KSR1: variants seen among roughly 807,000 people sequenced by gnomAD.
The protein encoded by KSR1 is kinase suppressor of ras 1.
Under a neutral mutation model 92.9 loss-of-function variants are expected in KSR1, and 35 were observed. The observed-to-expected ratio is 0.38, with a 90% confidence interval of 0.29 to 0.50. KSR1 has a LOEUF of 0.50. Among genes scored for constraint, KSR1 ranks in the 20% least tolerant of loss-of-function variants. The pLI is 0.94. For synonymous variants in KSR1, 467 were observed against 472.6 expected, an observed-to-expected ratio of 0.99 and a Z score of 0.15; for missense variants, 972 against 1,158.5, an observed-to-expected ratio of 0.84 and a Z score of 2.34.
At chr17:27,518,778 A>C (rs2945411) in intron 1 of KSR1, among the ~76,000 whole-genome samples, 38,242 of 152,138 alleles carry the variant, frequency 0.25, 5,019 homozygotes, top group Admixed American at 0.35. Context: ...CTCCCTCTCC[A>C]CCAAAGGCAT....
At chr17:27,501,584 G>T (rs966181760) in intron 1 of KSR1, among the ~76,000 whole-genome samples, 3 of 152,126 alleles carry the variant, frequency 2.0e-5, no homozygotes, top group African/African-American at 7.2e-5. Context: ...AGAGCATGAT[G>T]CCCTACATCC....
intron 1 of KSR1, among the ~76,000 whole-genome samples, chr17:27,481,096 ACATGAAACC>A (rs1200173394): frequency 6.6e-6 from 1 of 152,198 alleles, no homozygotes; most frequent in African/African-American, 2.4e-5. Context: ...TATGCCAGAG[ACATGAAACC>A]ATATACCTCA....
intron 20 of KSR1, chr17:27,622,974 T>G: frequency 3.1e-6 from 1 of 323,788 alleles, no homozygotes. Flanking sequence ...GGAGTCATGT[T>G]TCTCTTCTCT....
At chr17:27,488,851 C>T (rs574401515) in intron 1 of KSR1, among the ~76,000 whole-genome samples, 1 of 152,232 alleles carries the variant, frequency 6.6e-6, no homozygotes, top group East Asian at 1.9e-4. Context: ...GCAGTCCCAG[C>T]TACTCGGGAG....
intron 1 of KSR1, among the ~76,000 whole-genome samples, chr17:27,538,110 T>TG (rs1373942912): frequency 6.6e-6 from 1 of 152,232 alleles, no homozygotes; most frequent in Non-Finnish European, 1.5e-5. Flanking sequence ...TTTTTGCTGT[T>TG]GTAGGTTTTC....
chr17:27,490,337 G>A (rs1457744998), intron 1 of KSR1, among the ~76,000 whole-genome samples: 1 of 152,144 alleles, frequency 6.6e-6, no homozygotes, highest in South Asian at 2.1e-4. Flanking sequence ...ATAAGGTTTT[G>A]TTGTAAAATT....
intron 1 of KSR1, among the ~76,000 whole-genome samples, chr17:27,520,231 C>T (rs2069966024): frequency 6.6e-6 from 1 of 152,176 alleles, no homozygotes; most frequent in Non-Finnish European, 1.5e-5. Flanking sequence ...ATTCTTTCCA[C>T]CTTGCCATGA....
chr17:27,620,332 T>C lies in KSR1; in HGVS notation c.2628-861T>C, dbSNP rs149087299. The stretch of plus-strand genomic sequence containing the variant: ...CACACCTGCCGCATTGCTACACAGA[T>C]GGCCGAGGCCAGGGTTCCACCAGCA... On this transcript the variant is annotated intron_variant, in intron 19 of 20. Transcript: ENST00000644974. 6.1e-4 allele frequency among the ~76,000 whole-genome samples: 93 copies of C among 152,344 alleles called. 1 individual carries two copies. Among genetic ancestry groups the C allele is most frequent in the African/African-American group, 2.2e-3 (90 of 41,586 alleles).
At chr17:27,497,620 T>A (rs528767727) in intron 1 of KSR1, among the ~76,000 whole-genome samples, 1 of 152,358 alleles carries the variant, frequency 6.6e-6, no homozygotes, top group South Asian at 2.1e-4. Context: ...TCAGTTATGC[T>A]TGTTTTTATG....
At chr17:27,544,169 T>C (rs566664082) in intron 1 of KSR1, among the ~76,000 whole-genome samples, 2 of 152,336 alleles carry the variant, frequency 1.3e-5, no homozygotes, top group South Asian at 2.1e-4. Context: ...AAAGTGAGGC[T>C]CACTGGTTAG....
At chr17:27,535,590 G>A (rs1302237207) in intron 1 of KSR1, among the ~76,000 whole-genome samples, 4 of 152,302 alleles carry the variant, frequency 2.6e-5, no homozygotes, top group African/African-American at 7.2e-5. Context: ...ATCAACAATC[G>A]TGATCCTTCA....
At chr17:27,482,964 C>T (rs2068553462) in intron 1 of KSR1, among the ~76,000 whole-genome samples, 1 of 152,122 alleles carries the variant, frequency 6.6e-6, no homozygotes, top group Non-Finnish European at 1.5e-5. Context: ...AATATTTTGG[C>T]TGGATTTTCA....
intron 2 of KSR1, among the ~76,000 whole-genome samples, chr17:27,572,183 A>G (rs1000095834): frequency 7.2e-5 from 11 of 152,368 alleles, no homozygotes; most frequent in Middle Eastern, 3.4e-3. Context: ...AGAAAGAATA[A>G]CTTAATCCCA....
intron 2 of KSR1, among the ~76,000 whole-genome samples, chr17:27,574,689 G>A (rs1244348889): frequency 6.6e-6 from 1 of 152,154 alleles, no homozygotes; most frequent in African/African-American, 2.4e-5. Flanking sequence ...TTGAGACAAG[G>A]AATTACAGCA....
intron 1 of KSR1, among the ~76,000 whole-genome samples, chr17:27,489,889 A>T (rs976832531): frequency 6.6e-6 from 1 of 152,236 alleles, no homozygotes; most frequent in African/African-American, 2.4e-5. Flanking sequence ...GTTCTCAAAA[A>T]TGACAGTGTT....
rs1025503135 is a variant in KSR1, at chr17:27,459,678, G to C, written c.231+2804G>C. On this transcript the variant is annotated intron_variant, in intron 1 of 20. Transcript: ENST00000644974. This position sits in a 1 kb window ranked among gnomAD's most constrained non-coding sequence, Gnocchi z 4.6. ...GGGCTTGGCCTGTGCAACTGCATCG[G>C]ACTTATCTAGAATCTGAGGAGCCCC... Among the ~76,000 whole-genome samples the C allele has an allele frequency of 3.3e-5, 5 of 152,206 alleles. No individual in the cohort carries two copies. The highest frequency in any genetic ancestry group is 3.3e-4 in the Admixed American group (5 of 15,284).
intron 2 of KSR1, among the ~76,000 whole-genome samples, chr17:27,556,496 A>G (rs2071600830): frequency 6.6e-6 from 1 of 152,158 alleles, no homozygotes; most frequent in Non-Finnish European, 1.5e-5. Context: ...TCCTGGAATT[A>G]CAGACATGAG....
At chr17:27,573,633 C>G (rs550436259) in intron 2 of KSR1, among the ~76,000 whole-genome samples, 1 of 152,132 alleles carries the variant, frequency 6.6e-6, no homozygotes, top group Non-Finnish European at 1.5e-5. Context: ...TAATTTACTT[C>G]GAAAAAAATA....
chr17:27,562,035 G>A (rs532398639), intron 2 of KSR1, among the ~76,000 whole-genome samples: 3 of 152,188 alleles, frequency 2.0e-5, no homozygotes, highest in Non-Finnish European at 2.9e-5. Flanking sequence ...TAGTAGAGAC[G>A]GGTTTTTTCC....
Sources: gnomAD v4.1 joint callset for allele counts (sites outside exome capture counted in the v4.1 genomes callset) on GRCh38, gnomAD v4.1.1 for gene constraint, Gnocchi (gnomAD v3.1) non-coding constraint, MANE v1.5 for transcripts, NCBI Gene and HGNC (gene_info 2026-07-23, HGNC 2026-07-21) for gene names.